The following TMEM138 variants were observed in gnomAD, a reference collection of about 807,000 sequenced individuals.
TMEM138 encodes transmembrane protein 138.
A neutral mutation model predicts 18.1 loss-of-function variants in TMEM138; 9 were observed. That is an observed-to-expected ratio of 0.50 (90% CI 0.30 to 0.87). TMEM138 has a LOEUF of 0.87. Ranked by LOEUF, TMEM138 falls within the 40% of genes least tolerant of loss-of-function variation. The probability of loss-of-function intolerance (pLI) is 0.06; values close to 1 mark genes in which losing one functional copy is unlikely to be tolerated. For missense variants in TMEM138, 189 were observed against 190.6 expected (o/e 0.99, Z 0.05); for synonymous variants, 79 against 74.8 (o/e 1.06, Z -0.29).
intron 2 of TMEM138, 154 bp from the exon 3 acceptor site, chr11:61,365,891 G>T: frequency 1.1e-6 from 1 of 944,504 alleles, no homozygotes. Flanking sequence ...TGTCATTCAG[G>T]TCCCAAAACC....
downstream of TMEM138, among the ~76,000 whole-genome samples, chr11:61,375,512 G>C (rs1275874958): frequency 6.6e-6 from 1 of 151,578 alleles, no homozygotes; most frequent in African/African-American, 2.4e-5. Context: ...TAGTAGAGAT[G>C]GTGTTTCACT....
Position 61,366,056 on chromosome 11 carries a change from T to C in TMEM138, c.140T>C (p.Ile47Thr), listed in dbSNP as rs756670137. The C allele has an allele frequency of 6.2e-7, 1 of 1,613,686 alleles. No individual in the cohort carries two copies. The highest frequency in any genetic ancestry group is 8.5e-7 in the Non-Finnish European group (1 of 1,179,794). The change falls in exon 3 of 5, where the codon ATT becomes ACT. Residue 47 changes from isoleucine to threonine, a missense_variant. Coordinates refer to ENST00000278826, the MANE Select transcript of TMEM138 (RefSeq NM_016464.5). Reference protein sequence around the residue: ...IQLVLFIIQDIAVLFNIIIIF... With the variant: ...IQLVLFIIQDTAVLFNIIIIF... ...TTTTATGTCTACAGCATCCAGGATA[T>C]TGCAGTCCTCTTCAACATCATCATC...
downstream of TMEM138, among the ~76,000 whole-genome samples, chr11:61,372,745 C>T (rs1590633026): frequency 6.6e-6 from 1 of 151,314 alleles, no homozygotes; most frequent in Non-Finnish European, 1.5e-5. Context: ...GAGGTCACAC[C>T]GTTGCACTCC....
chr11:61,364,839 G>A (rs533231341), intron 2 of TMEM138: 3 of 178,988 alleles, frequency 1.7e-5, no homozygotes, highest in South Asian at 2.6e-4. Flanking sequence ...AGGCTACAGT[G>A]AGCCATGATC....
chr11:61,365,259 T>C (rs1167377968), intron 2 of TMEM138, among the ~76,000 whole-genome samples: 2 of 151,848 alleles, frequency 1.3e-5, no homozygotes, highest in African/African-American at 2.4e-5. Context: ...TATTAAAACA[T>C]AATTTTATTT....
rs1858159455 is a variant in TMEM138 at position 61,366,474 on chromosome 11, T to TTC, written c.300+259_300+260insCT. 1.0e-5 allele frequency: 3 copies of TTC among 299,874 alleles called. No individual in the cohort carries two copies. The South Asian group carries it at 1.7e-4, about 17-fold the overall frequency. The allele number at this position is 299,874 out of a possible 1,614,324, so 18.6% of individuals were successfully genotyped here. On this transcript the variant is annotated intron_variant, in intron 3 of 4. Coordinates refer to ENST00000278826, the MANE Select transcript of TMEM138 (RefSeq NM_016464.5). ...AACTTTTCTTTTCTTTTCTTTTCTT[T>TTC]TTTTTTTTTTTTGAGACAGAGTCTC...
downstream of TMEM138, among the ~76,000 whole-genome samples, chr11:61,372,824 C>T (rs1858379956): frequency 6.6e-6 from 1 of 150,400 alleles, no homozygotes; most frequent in Non-Finnish European, 1.5e-5. Context: ...CAGGACAAAC[C>T]AGCAAGTCCA....
chr11:61,370,025 C>A (rs562358415), downstream of TMEM138, among the ~76,000 whole-genome samples: 7 of 152,134 alleles, frequency 4.6e-5, no homozygotes, highest in Non-Finnish European at 7.3e-5. Context: ...AAGAATTTGC[C>A]GACAAGGCTT....
chr11:61,362,705 A>G (rs1002500617), intron 1 of TMEM138: 2 of 152,300 alleles, frequency 1.3e-5, no homozygotes, highest in Non-Finnish European at 2.9e-5. Context: ...ACGGATCCTC[A>G]AAACAGCCCT....
In TMEM138 at chr11:61,364,737, T is replaced by A. The variant is rs1242473295; in HGVS notation, c.128+219T>A. On this transcript the variant is annotated intron_variant, in intron 2 of 4. Transcript: ENST00000278826. Reference sequence around the variant, plus strand: ...AGACCCTGTCTCTACCTACTAAAAATTTTTAAAATTAGCTAGGCATGGTGC... The same window carrying A: ...AGACCCTGTCTCTACCTACTAAAAAATTTTAAAATTAGCTAGGCATGGTGC... The A allele has an allele frequency of 1.7e-5, 8 of 471,360 alleles. No homozygotes were observed. The Admixed American group carries it at 2.2e-4, about 13-fold the overall frequency. The allele number at this position is 471,360 out of a possible 1,614,324, so 29.2% of individuals were successfully genotyped here.
chr11:61,374,015 G>A (rs1858401477), downstream of TMEM138, among the ~76,000 whole-genome samples: 1 of 151,484 alleles, frequency 6.6e-6, no homozygotes, highest in African/African-American at 2.4e-5. Context: ...GCTAATTTTT[G>A]TATTTTTAGT....
chr11:61,367,882 CTTGTGGCCATTAACTT>C, intron 3 of TMEM138, 25 bp from the exon 4 acceptor site: 1 of 1,361,352 alleles, frequency 7.3e-7, no homozygotes, highest in Non-Finnish European at 1.1e-6. Context: ...ATTAGGGCTT[CTTGTGGCCATTAACTT>C]TTGTGTATCT....
chr11:61,373,011 G>A (rs577183508), downstream of TMEM138, among the ~76,000 whole-genome samples: 81 of 151,992 alleles, frequency 5.3e-4, 1 homozygote, highest in East Asian at 5.6e-3. Context: ...GTCTATATGC[G>A]CTTTTAAAAT....
downstream of TMEM138, among the ~76,000 whole-genome samples, chr11:61,371,630 A>T (rs1858346311): frequency 6.6e-6 from 1 of 152,240 alleles, no homozygotes; most frequent in Non-Finnish European, 1.5e-5. Context: ...ACTTGAAGAG[A>T]TGTATTATTC....
At chr11:61,373,776 G>T (rs1339456348), downstream of TMEM138, among the ~76,000 whole-genome samples, 1 of 151,926 alleles carries the variant, frequency 6.6e-6, no homozygotes, top group Non-Finnish European at 1.5e-5. Flanking sequence ...GGCTGTATTT[G>T]TATAAATATG....
Position 61,368,965 on chromosome 11 carries a change from T to C in TMEM138, c.*256T>C. 1 of 436,290 alleles carries C rather than the reference T, an allele frequency of 2.3e-6. No homozygotes were observed. The highest frequency in any genetic ancestry group is 3.6e-5 in the Admixed American group (1 of 27,834). The allele number at this position is 436,290 out of a possible 1,614,324, so 27.0% of individuals were successfully genotyped here. On this transcript the variant is annotated 3_prime_UTR_variant, in exon 5 of 5. Coordinates refer to ENST00000278826, the MANE Select transcript of TMEM138 (RefSeq NM_016464.5). ...TTTCCTTCCTTTCCTCTCTGTACCA[T>C]TCATTCTCCCTGACCGGCCTTTCTT...
chr11:61,364,236 C>CT lies in TMEM138; in HGVS notation c.-139-11dup. On this transcript the variant is annotated splice_polypyrimidine_tract_variant and intron_variant, in intron 1 of 4. Coordinates refer to ENST00000278826, the MANE Select transcript of TMEM138 (RefSeq NM_016464.5). ...TTAATACATTTCTAACCTTGCTTAT[C>CT]TTTTTGCTCCAACAGGTGCTTGCCT... is the stretch of plus-strand genomic sequence containing the variant. 9 of 818,124 alleles carry CT rather than the reference C, an allele frequency of 1.1e-5. No homozygotes were observed. The highest frequency in any genetic ancestry group is 1.7e-5 in the Non-Finnish European group (9 of 527,718). The allele number at this position is 818,124 out of a possible 1,614,324, so 50.7% of individuals were successfully genotyped here.
chr11:61,367,850 T>G, intron 3 of TMEM138, 73 bp from the exon 4 acceptor site: 1 of 917,226 alleles, frequency 1.1e-6, no homozygotes, highest in South Asian at 1.4e-5. Flanking sequence ...CTGGCATCTC[T>G]GCAGCTAACC....
downstream of TMEM138, among the ~76,000 whole-genome samples, chr11:61,376,145 TCAACACC>T (rs1429056054): frequency 6.6e-6 from 1 of 152,212 alleles, no homozygotes; most frequent in African/African-American, 2.4e-5. Flanking sequence ...GGTCAGGAAT[TCAACACC>T]AGCCTGGCCA....
Sources: allele counts gnomAD v4.1 joint callset (sites outside exome capture counted in the v4.1 genomes callset), GRCh38; gene constraint gnomAD v4.1.1; transcripts MANE v1.5; gene names NCBI Gene and HGNC (gene_info 2026-07-23, HGNC 2026-07-21).